MASP1: variants seen among roughly 807,000 people sequenced by gnomAD.
The protein encoded by MASP1 is MBL associated serine protease 1.
In MASP1, 59 loss-of-function variants were observed where a neutral mutation model predicts 77.1. The observed-to-expected ratio is 0.77, with a 90% CI of 0.62 to 0.95. The LOEUF is 0.95. Among genes scored for constraint, MASP1 ranks in the 40% least tolerant of loss-of-function variants. The probability of loss-of-function intolerance (pLI) is 0.00; values close to 1 mark genes in which losing one functional copy is unlikely to be tolerated. For missense variants in MASP1, 885 were observed against 912.9 expected, an observed-to-expected ratio of 0.97 and a Z score of 0.39; for synonymous variants, 362 against 354.5, an observed-to-expected ratio of 1.02 and a Z score of -0.24.
rs935299476 is a variant in MASP1 at position 187,217,551 on chromosome 3, A to G, written c.*2520T>C. On this transcript the variant is annotated 3_prime_UTR_variant, in exon 16 of 16. Transcript: ENST00000337774. ...CACAATCAGTGATTCAAAAAGCAGC[A>G]ATTTTAAAGTTGAATGAGCTGCAAT... The G allele has an allele frequency of 2.0e-5, 3 of 152,352 alleles. No homozygotes were observed. In the East Asian group the frequency reaches 5.8e-4, roughly 29 times the overall value. 9.4% of individuals were successfully genotyped at this position (152,352 alleles called of 1,614,324 possible).
chr3:187,268,135 C>G (rs911928456), intron 2 of MASP1, among the ~76,000 whole-genome samples: 2 of 152,074 alleles, frequency 1.3e-5, no homozygotes, highest in Admixed American at 6.5e-5. Context: ...TTGAATAATG[C>G]AATGGTGAAT....
At chr3:187,260,680 T>C (rs1579536643) in intron 4 of MASP1, 61 bp downstream of exon 4, 2 of 1,609,148 alleles carry the variant, frequency 1.2e-6, no homozygotes, top group Non-Finnish European at 1.7e-6. Flanking sequence ...CTGAGCCTCA[T>C]CTAATGTTAT....
At chr3:187,223,293 A>G in intron 13 of MASP1, 1 of 980,050 alleles carries the variant, frequency 1.0e-6, no homozygotes, top group Non-Finnish European at 1.6e-6. Flanking sequence ...TGGAGGAAAG[A>G]CTGGATTGTT....
chr3:187,289,986 C>A (rs1438353170), intron 1 of MASP1, among the ~76,000 whole-genome samples: 1 of 152,180 alleles, frequency 6.6e-6, no homozygotes, highest in African/African-American at 2.4e-5. Flanking sequence ...TAGCAGAGCA[C>A]CTTTCTCGTA....
intron 15 of MASP1, chr3:187,220,402 A>G: frequency 4.4e-6 from 3 of 686,300 alleles, no homozygotes; most frequent in Non-Finnish European, 7.5e-6. Context: ...AGCTCTGGGC[A>G]GTTCTAGGTC....
intron 7 of MASP1, among the ~76,000 whole-genome samples, chr3:187,250,939 A>G (rs1714521849): frequency 6.6e-6 from 1 of 151,926 alleles, no homozygotes; most frequent in South Asian, 2.1e-4. Flanking sequence ...GGGGTGGGAG[A>G]GTGAGGGGAA....
rs1422214571 is a variant in MASP1, at chr3:187,235,995, G to A, written c.1876C>T (p.Pro626Ser). The A allele has an allele frequency of 6.2e-7, 1 of 1,614,230 alleles. No individual in the cohort carries two copies. The highest frequency in any genetic ancestry group is 1.7e-5 in the Admixed American group (1 of 60,038). Residue 626 changes from proline to serine, a missense_variant, in exon 11 of 11, where the codon CCT becomes TCT. Transcript: ENST00000296280. ...VLQYVKLPVVPHAECKTSYES... is the reference protein window; with the variant it reads ...VLQYVKLPVVSHAECKTSYES... ...TAGCTAGTTTTGCACTCAGCGTGAG[G>A]CACCACGGGTAACTTGACATACTGC...
At chr3:187,289,919 C>T (rs999123625) in intron 1 of MASP1, among the ~76,000 whole-genome samples, 1 of 152,188 alleles carries the variant, frequency 6.6e-6, no homozygotes, top group Non-Finnish European at 1.5e-5. Flanking sequence ...CTTGAAAGTG[C>T]TCTGCAAACA....
downstream of MASP1, among the ~76,000 whole-genome samples, chr3:187,230,784 T>G (rs1712722884): frequency 6.6e-6 from 1 of 152,216 alleles, no homozygotes; most frequent in African/African-American, 2.4e-5. Flanking sequence ...GGAAATTGAC[T>G]TCCAAAAGGT....
intron 13 of MASP1, among the ~76,000 whole-genome samples, chr3:187,224,626 G>A (rs1374076974): frequency 3.9e-5 from 6 of 152,274 alleles, no homozygotes; most frequent in Admixed American, 2.6e-4. Flanking sequence ...GATTACAGGC[G>A]TGAGCCACCG....
At chr3:187,237,573 G>A (rs1479435573) in intron 10 of MASP1, among the ~76,000 whole-genome samples, 1 of 152,256 alleles carries the variant, frequency 6.6e-6, no homozygotes, top group Non-Finnish European at 1.5e-5. Flanking sequence ...TACCTTTAGG[G>A]GAAGGAGAAA....
At chr3:187,260,990 C>T (rs1402870452) in intron 3 of MASP1, 118 bp from the exon 4 acceptor site, 2 of 1,166,100 alleles carry the variant, frequency 1.7e-6, no homozygotes, top group East Asian at 4.7e-5. Context: ...TGCGTTCTCT[C>T]ATTTAATCCT....
chr3:187,249,983 A>C (rs1714423532), intron 8 of MASP1, among the ~76,000 whole-genome samples: 2 of 152,254 alleles, frequency 1.3e-5, no homozygotes, highest in Non-Finnish European at 2.9e-5. Context: ...TCCTTTAGTA[A>C]GTCTGGCAAC....
At chr3:187,278,282 G>A (rs549032552) in intron 2 of MASP1, among the ~76,000 whole-genome samples, 13 of 152,296 alleles carry the variant, frequency 8.5e-5, no homozygotes, top group East Asian at 3.9e-4. Context: ...GCACAACTGC[G>A]TTTTGCAGTA....
intron 10 of MASP1, among the ~76,000 whole-genome samples, chr3:187,240,090 C>T (rs1196300901): frequency 1.3e-5 from 2 of 151,266 alleles, no homozygotes; most frequent in Non-Finnish European, 2.9e-5. Context: ...ATGTGCCTTT[C>T]ACCTTCCGCC....
chr3:187,282,403 A>T (rs546319249), intron 2 of MASP1, among the ~76,000 whole-genome samples: 50 of 151,348 alleles, frequency 3.3e-4, no homozygotes, highest in African/African-American at 1.1e-3. Context: ...AGGCTGAGGC[A>T]GGGGAATCAC....
chr3:187,283,591 A>G (rs781281974), intron 2 of MASP1, among the ~76,000 whole-genome samples: 1 of 152,220 alleles, frequency 6.6e-6, no homozygotes, highest in Non-Finnish European at 1.5e-5. Context: ...CATCCCTACA[A>G]CTGAGCAAAA....
exon 14 of MASP1, chr3:187,223,194 C>T (rs757257707): frequency 1.2e-6 from 2 of 1,613,864 alleles, no homozygotes; most frequent in Admixed American, 1.7e-5. Flanking sequence ...GACCATGGCT[C>T]CTGGAGGAGA....
intron 1 of MASP1, chr3:187,291,389 T>A (rs1718317721): frequency 1.3e-5 from 8 of 599,476 alleles, no homozygotes; most frequent in Non-Finnish European, 2.4e-5. Flanking sequence ...TTCAGCAGCG[T>A]CCGGAGCAGG....
Sources: gnomAD v4.1 joint callset for allele counts (sites outside exome capture counted in the v4.1 genomes callset) on GRCh38, gnomAD v4.1.1 for gene constraint, MANE v1.5 for transcripts, NCBI Gene and HGNC (gene_info 2026-07-23, HGNC 2026-07-21) for gene names.